The following CDH22 variants were observed in gnomAD, a reference collection of about 807,000 sequenced individuals.
CDH22 encodes cadherin 22.
CDH22 carries 30 observed loss-of-function variants against 58.4 expected under a neutral mutation model. That is an observed-to-expected ratio of 0.51 (90% confidence interval 0.38 to 0.70). The LOEUF is 0.70. Ranked by LOEUF, CDH22 falls within the 30% of genes least tolerant of loss-of-function variation. The pLI, the probability that CDH22 is intolerant of heterozygous loss-of-function variation, is 0.00. For synonymous variants in CDH22, 513 were observed against 558.2 expected (o/e 0.92, Z 1.14); for missense variants, 1,014 against 1,233.9 (o/e 0.82, Z 2.67).
intron 1 of CDH22, among the ~76,000 whole-genome samples, chr20:46,291,574 A>C (rs1407156602): frequency 6.6e-6 from 1 of 152,126 alleles, no homozygotes; most frequent in Non-Finnish European, 1.5e-5. Context: ...GTCGACATTC[A>C]TGATCTCATC....
chr20:46,250,958 A>G, intron 2 of CDH22, 82 bp downstream of exon 2: 2 of 829,128 alleles, frequency 2.4e-6, no homozygotes, highest in Non-Finnish European at 4.1e-6. Context: ...TTAAAAGGGC[A>G]GGTGAACAAG....
intron 1 of CDH22, among the ~76,000 whole-genome samples, chr20:46,290,738 T>A (rs556577150): frequency 2.6e-5 from 4 of 151,950 alleles, no homozygotes; most frequent in Non-Finnish European, 5.9e-5. Flanking sequence ...GCCAGCCCAA[T>A]GTGTCAGGGA....
At chr20:46,181,715 TTTTCCTTCC>T (rs1234238148) in intron 10 of CDH22, among the ~76,000 whole-genome samples, 12 of 54,512 alleles carry the variant, frequency 2.2e-4, no homozygotes, top group African/African-American at 8.6e-4. Context: ...TTCTTTCTTT[TTTTCCTTCC>T]TTCCTTCCTT....
intron 3 of CDH22, among the ~76,000 whole-genome samples, chr20:46,230,373 C>T (rs2086212067): frequency 6.6e-6 from 1 of 152,222 alleles, no homozygotes; most frequent in Middle Eastern, 3.4e-3. Context: ...TAAATATTCT[C>T]TCCATGGCCC....
intron 1 of CDH22, among the ~76,000 whole-genome samples, chr20:46,282,736 A>G (rs546490613): frequency 6.6e-6 from 1 of 151,442 alleles, no homozygotes; most frequent in African/African-American, 2.4e-5. Context: ...CGCCTCCCCC[A>G]GTGAGTTCTC....
intron 8 of CDH22, among the ~76,000 whole-genome samples, chr20:46,188,789 C>T (rs1394137844): frequency 1.3e-5 from 2 of 152,194 alleles, no homozygotes; most frequent in African/African-American, 4.8e-5. Context: ...GCTCCATCCT[C>T]TGCTATCTTG....
intron 1 of CDH22, among the ~76,000 whole-genome samples, chr20:46,274,290 C>T (rs188573918): frequency 1.1e-3 from 169 of 152,058 alleles, no homozygotes; most frequent in African/African-American, 3.9e-3. Context: ...GCTGGGAAGG[C>T]TGGGTTTGCA....
intron 1 of CDH22, among the ~76,000 whole-genome samples, chr20:46,302,865 G>A (rs2145787205): frequency 6.6e-6 from 1 of 152,126 alleles, no homozygotes; most frequent in East Asian, 1.9e-4. Flanking sequence ...CCAGGAATGG[G>A]AACTCCTTCT....
chr20:46,263,372 TCAGA>T (rs1240395711), intron 1 of CDH22, among the ~76,000 whole-genome samples: 1 of 151,516 alleles, frequency 6.6e-6, no homozygotes, highest in Non-Finnish European at 1.5e-5. Context: ...AGTTAGAAAG[TCAGA>T]CAAAGTCCCT....
At chr20:46,245,217 T>C (rs1045145617) in intron 2 of CDH22, among the ~76,000 whole-genome samples, 7 of 152,312 alleles carry the variant, frequency 4.6e-5, no homozygotes, top group Middle Eastern at 3.4e-3. Context: ...CCTGACCCAC[T>C]GGAGATCCAG....
rs112735070 is a variant in CDH22 at position 46,185,833 on chromosome 20, G to C, written c.1663+755C>G. ...TGAGCTATGATTGCACCACTGCACT[G>C]CTGCCTGGGTGACAGAGCAAGACCT... On this transcript the variant is annotated intron_variant, in intron 10 of 11. Transcript: ENST00000537909. 8.0e-3 allele frequency among the ~76,000 whole-genome samples: 1,215 copies of C among 152,216 alleles called. 20 individuals carry two copies. Among genetic ancestry groups the C allele is most frequent in the African/African-American group, 0.029 (1,184 of 41,522 alleles).
chr20:46,227,446 C>A, intron 4 of CDH22, 62 bp downstream of exon 4: 1 of 1,409,264 alleles, frequency 7.1e-7, no homozygotes, highest in Non-Finnish European at 9.7e-7. Flanking sequence ...GGGTGGTCCT[C>A]GTCCCGCCCC....
At position 46,178,166 on chromosome 20, in the gene CDH22, C is replaced by T. The variant is rs777600515; in HGVS notation, c.1695G>A (p.Val565=). Reference sequence around the variant, plus strand: ...CGTCCTGCTCCTGCCGGTTGAAGCCCACGTGCTGCGTGTGCACTGCAGCGG... The same window carrying T: ...CGTCCTGCTCCTGCCGGTTGAAGCCTACGTGCTGCGTGTGCACTGCAGCGG... ...DNTAAVHTQH[V]GFNRQEQDVF... Residue 565 remains valine (V), a synonymous_variant, in exon 11 of 12, where the codon GTG becomes GTA. Transcript: ENST00000537909. 5.5e-5 allele frequency: 89 copies of T among 1,613,808 alleles called. No individual in the cohort carries two copies. Among genetic ancestry groups the T allele is most frequent in the Non-Finnish European group, 7.5e-5 (89 of 1,179,982 alleles).
chr20:46,225,888 A>T (rs1013060963), intron 4 of CDH22, among the ~76,000 whole-genome samples: 1 of 152,114 alleles, frequency 6.6e-6, no homozygotes, highest in African/African-American at 2.4e-5. Flanking sequence ...TTTGTGTGAG[A>T]AAATACAATT....
chr20:46,260,285 C>T (rs532016646), intron 1 of CDH22, among the ~76,000 whole-genome samples: 1 of 152,316 alleles, frequency 6.6e-6, no homozygotes, highest in South Asian at 2.1e-4. Flanking sequence ...AAGAGGCCTA[C>T]TAAGAAAAGA....
chr20:46,283,940 T>C (rs2086562454), intron 1 of CDH22, among the ~76,000 whole-genome samples: 1 of 152,136 alleles, frequency 6.6e-6, no homozygotes, highest in Non-Finnish European at 1.5e-5. Flanking sequence ...GAATGAGTCC[T>C]CACAGCTAAC....
At chr20:46,306,993 T>C (rs1164653065) in intron 1 of CDH22, among the ~76,000 whole-genome samples, 2 of 151,512 alleles carry the variant, frequency 1.3e-5, no homozygotes, top group Non-Finnish European at 2.9e-5. Flanking sequence ...TGAACCTGGG[T>C]GGAGAGGGAG....
chr20:46,195,088 T>C (rs767130701), intron 8 of CDH22, among the ~76,000 whole-genome samples: 4 of 152,176 alleles, frequency 2.6e-5, no homozygotes, highest in African/African-American at 4.8e-5. Context: ...CTAAGTATGA[T>C]TGTCACCATT....
Position 46,186,574 on chromosome 20 carries a change from G to A in CDH22, c.1663+14C>T, listed in dbSNP as rs1301121675. 1 of 1,575,476 alleles carries A rather than the reference G, an allele frequency of 6.3e-7. No individual in the cohort carries two copies. Among genetic ancestry groups the A allele is most frequent in the Non-Finnish European group, 8.7e-7 (1 of 1,147,556 alleles). Reference sequence around the variant, plus strand: ...TGCCCCTCCCTTCTTGCATCCTAGGGTTTGGAGGCTCACCTTGGATGTCAA... The same window carrying A: ...TGCCCCTCCCTTCTTGCATCCTAGGATTTGGAGGCTCACCTTGGATGTCAA... On this transcript the variant is annotated intron_variant, in intron 10 of 11. Coordinates refer to ENST00000537909, the MANE Select transcript of CDH22 (RefSeq NM_021248.3).
Sources: allele counts gnomAD v4.1 joint callset (sites outside exome capture counted in the v4.1 genomes callset), GRCh38; gene constraint gnomAD v4.1.1; transcripts MANE v1.5; gene names NCBI Gene and HGNC (gene_info 2026-07-23, HGNC 2026-07-21).